IL12RB1: variants seen among roughly 807,000 people sequenced by gnomAD.
IL12RB1 encodes the protein interleukin-12 receptor subunit beta-1.
IL12RB1 carries 64 observed loss-of-function variants against 94.4 expected under a neutral mutation model. The ratio of observed to expected loss-of-function variants is 0.68; its 90% CI spans 0.55 to 0.83. The LOEUF (loss-of-function observed/expected upper bound fraction) is 0.83, where lower values mean the gene tolerates loss of function less well. Ranked by LOEUF, IL12RB1 falls within the 40% of genes least tolerant of loss-of-function variation. IL12RB1 has a pLI of 0.00. For synonymous variants in IL12RB1, 362 were observed against 355.5 expected (o/e 1.02, Z -0.21); for missense variants, 814 against 855.6 (o/e 0.95, Z 0.61).
At chr19:18,088,499 G>A (rs1017290088), upstream of IL12RB1, among the ~76,000 whole-genome samples, 19 of 151,138 alleles carry the variant, frequency 1.3e-4, no homozygotes, top group African/African-American at 4.6e-4. Flanking sequence ...AGGAGGTTGA[G>A]GCTGCAGTGA....
At chr19:18,086,638 A>G (rs1045948338) in intron 1 of IL12RB1, 122 bp downstream of exon 1, 20 of 884,768 alleles carry the variant, frequency 2.3e-5, no homozygotes, top group Middle Eastern at 3.4e-4. Flanking sequence ...CCCATTTGAC[A>G]GCAGGAAAGA....
chr19:18,084,926 G>A (rs1295160019), intron 1 of IL12RB1, among the ~76,000 whole-genome samples: 1 of 152,234 alleles, frequency 6.6e-6, no homozygotes, highest in Non-Finnish European at 1.5e-5. Flanking sequence ...AGCCAGCATG[G>A]GGAAAGACAG....
Position 18,059,070 on chromosome 19 carries a change from A to C in IL12RB1, c.*538T>G, listed in dbSNP as rs1271452303. The C allele has an allele frequency of 2.7e-5, 4 of 150,378 alleles. No individual in the cohort carries two copies. The highest frequency in any genetic ancestry group is 5.8e-5 in the Non-Finnish European group (4 of 69,366). The allele number at this position is 150,378 out of a possible 1,614,324, so 9.3% of individuals were successfully genotyped here. ...AAACAGGAAAAAAATACCCAAGAGG[A>C]GGCTCATTTACGATGATTTTGAACA... On this transcript the variant is annotated 3_prime_UTR_variant, in exon 17 of 17. Coordinates refer to ENST00000593993, the MANE Select transcript of IL12RB1 (RefSeq NM_005535.3).
chr19:18,077,304 G>A (rs1333160422), intron 5 of IL12RB1, among the ~76,000 whole-genome samples: 1 of 152,074 alleles, frequency 6.6e-6, no homozygotes, highest in Non-Finnish European at 1.5e-5. Context: ...AGAGGTTGCA[G>A]TGAGCTGAGA....
intron 1 of IL12RB1, among the ~76,000 whole-genome samples, chr19:18,092,670 GAAAA>G (rs58773304): frequency 5.3e-5 from 7 of 132,222 alleles, no homozygotes; most frequent in East Asian, 2.3e-4. Context: ...AACTCTGTCT[GAAAA>G]AAAAAAAAAA....
At chr19:18,069,260 C>T (rs538457346) in intron 10 of IL12RB1, among the ~76,000 whole-genome samples, 3 of 152,296 alleles carry the variant, frequency 2.0e-5, no homozygotes, top group East Asian at 3.9e-4. Flanking sequence ...CCTTCCCTGG[C>T]GCGGTTGAAT....
chr19:18,097,366 G>T (rs149786003), intron 1 of IL12RB1, among the ~76,000 whole-genome samples: 1,813 of 151,500 alleles, frequency 0.012, 30 homozygotes, highest in African/African-American at 0.04. Flanking sequence ...TTTTGTTTTG[G>T]TTTTTTTTGT....
chr19:18,069,955 G>A (rs1253142681), intron 9 of IL12RB1, among the ~76,000 whole-genome samples: 2 of 151,880 alleles, frequency 1.3e-5, no homozygotes, highest in Non-Finnish European at 2.9e-5. Context: ...TTGCTCTGTC[G>A]CCCAGGCTGG....
intron 2 of IL12RB1, 107 bp downstream of exon 2, chr19:18,083,325 G>T: frequency 9.5e-7 from 1 of 1,048,230 alleles, no homozygotes; most frequent in Non-Finnish European, 1.5e-6. Flanking sequence ...CCACAGGCAG[G>T]GCTGGGTCTT....
upstream of IL12RB1, among the ~76,000 whole-genome samples, chr19:18,091,820 C>T (rs1599595179): frequency 2.7e-5 from 4 of 150,786 alleles, no homozygotes; most frequent in Admixed American, 2.6e-4. Context: ...ACCTCAGCCT[C>T]TGATATAGCT....
chr19:18,061,955 G>C (rs756484622), intron 14 of IL12RB1, among the ~76,000 whole-genome samples: 1 of 152,116 alleles, frequency 6.6e-6, no homozygotes, highest in Non-Finnish European at 1.5e-5. Flanking sequence ...CTGCAAAACC[G>C]CTCTCAGCGG....
chr19:18,085,180 G>T (rs1343153905), intron 1 of IL12RB1, among the ~76,000 whole-genome samples: 1 of 152,176 alleles, frequency 6.6e-6, no homozygotes, highest in African/African-American at 2.4e-5. Context: ...CCCACAAGAA[G>T]GACCTGTCCT....
Position 18,059,355 on chromosome 19 carries a change from T to C in IL12RB1, c.*253A>G, listed in dbSNP as rs1443228668. 1.7e-6 allele frequency: 1 copy of C among 586,682 alleles called. No individual in the cohort carries two copies. The highest frequency in any genetic ancestry group is 2.0e-5 in the South Asian group (1 of 51,064). The allele number at this position is 586,682 out of a possible 1,614,324, so 36.3% of individuals were successfully genotyped here. On this transcript the variant is annotated 3_prime_UTR_variant, in exon 17 of 17. Transcript: ENST00000593993. ...CCCCCTTGCCCCCATTCCCAGTCCA[T>C]TCTACGCCAGAACAGGTAAATGGCA...
rs143838833 is a variant in IL12RB1, at chr19:18,076,168, C to T, written c.580+129G>A. 115 of 726,542 alleles carry T rather than the reference C, an allele frequency of 1.6e-4. No homozygotes were observed. In the African/African-American group the frequency reaches 1.8e-3, roughly 11 times the overall value. The allele number at this position is 726,542 out of a possible 1,614,324, so 45.0% of individuals were successfully genotyped here. ...TCCCCACCTGCAATTTGGAAAGAAT[C>T]CAATACTGAACTATGGGGCAGGGTA... On this transcript the variant is annotated intron_variant, in intron 6 of 16. Transcript: ENST00000593993.
At chr19:18,077,695 C>T (rs1338983415) in intron 4 of IL12RB1, 40 bp from the exon 5 acceptor site, 19 of 1,366,904 alleles carry the variant, frequency 1.4e-5, no homozygotes, top group Middle Eastern at 1.8e-4. Flanking sequence ...GCAGCCCACA[C>T]GTATGTGAGT....
intron 9 of IL12RB1, chr19:18,071,411 T>A: frequency 1.2e-6 from 1 of 804,280 alleles, no homozygotes; most frequent in Admixed American, 2.8e-5. Flanking sequence ...CTTTCTCTCT[T>A]TTTTCTTTTT....
intron 4 of IL12RB1, among the ~76,000 whole-genome samples, chr19:18,080,043 CTTTTCTT>C (rs1568513223): frequency 6.6e-6 from 1 of 151,910 alleles, no homozygotes. Context: ...TCATTCTTTT[CTTTTCTT>C]TTTTCTTTTT....
At chr19:18,090,059 G>A (rs1402571082), upstream of IL12RB1, among the ~76,000 whole-genome samples, 3 of 152,204 alleles carry the variant, frequency 2.0e-5, no homozygotes, top group East Asian at 5.8e-4. Flanking sequence ...CAGAGATAGA[G>A]AGATACATAA....
chr19:18,060,895 AT>A (rs1299022305), intron 15 of IL12RB1, among the ~76,000 whole-genome samples: 1 of 151,794 alleles, frequency 6.6e-6, no homozygotes, highest in African/African-American at 2.4e-5. Context: ...TTCCCTTGGG[AT>A]TTTTTCCATC....
Sources: allele counts gnomAD v4.1 joint callset (sites outside exome capture counted in the v4.1 genomes callset), GRCh38; gene constraint gnomAD v4.1.1; transcripts MANE v1.5; gene names NCBI Gene and HGNC (gene_info 2026-07-23, HGNC 2026-07-21).